HSPB7: variants seen among roughly 807,000 people sequenced by gnomAD.
The protein encoded by HSPB7 is heat shock protein family B (small) member 7.
A neutral mutation model predicts 11.0 loss-of-function variants in HSPB7; 9 were observed. The observed-to-expected ratio is 0.82, with a 90% CI of 0.49 to 1.43. The LOEUF (loss-of-function observed/expected upper bound fraction) is 1.43, where lower values mean the gene tolerates loss of function less well. HSPB7 is among the 40% of genes most tolerant of loss of function. The pLI is 0.00. For synonymous variants in HSPB7, 102 were observed against 101.6 expected, an observed-to-expected ratio of 1.00 and a Z score of -0.02; for missense variants, 246 against 243.9, an observed-to-expected ratio of 1.01 and a Z score of -0.06.
chr1:16,017,864 G>A lies in HSPB7; in HGVS notation c.100C>T (p.Leu34Phe), dbSNP rs1455697902. ...SSTSSSASRA[L>F]PAQDPPMEKA... is the part of the protein sequence containing the mutation. ...TCCATGGGCGGGTCCTGGGCCGGGA[G>A]AGCACGGGAGGCCGAGGAGGAGGTG... The change falls in exon 1 of 3, where the codon CTC (leucine) becomes TTC (phenylalanine). Residue 34 changes from leucine to phenylalanine, a missense_variant. Leu to Phe is a conservative substitution (Grantham distance 22). Transcript: ENST00000311890. The A allele has an allele frequency of 2.5e-6, 4 of 1,613,990 alleles. No homozygotes were observed. In the South Asian group the frequency reaches 3.3e-5, roughly 13 times the overall value.
chr1:16,018,059 C>T (rs748808572), upstream of HSPB7: 12 of 1,598,750 alleles, frequency 7.5e-6, no homozygotes, highest in East Asian at 2.3e-5. Flanking sequence ...GCTCCGACTG[C>T]GGCCGCTTTA....
chr1:16,017,968 G>A lies in HSPB7; in HGVS notation c.-5C>T, dbSNP rs754080986. 1.7e-5 allele frequency: 27 copies of A among 1,612,844 alleles called. No homozygotes were observed. The highest frequency in any genetic ancestry group is 5.0e-5 in the Admixed American group (3 of 60,006). On this transcript the variant is annotated 5_prime_UTR_variant, in exon 1 of 3. Transcript: ENST00000311890. ...GGAAGAGGTTCTGTGGCTCATCCAC[G>A]GACGGCGCCGGGCCCTGCCCAGGCG...
At position 16,015,276 on chromosome 1, in the gene HSPB7, G is replaced by T. The variant is rs1000849267; in HGVS notation, c.*304C>A. ...CAGAGCTTGCCCATATGTCCTGCTG[G>T]TCCCATTCCCCTGACCCACAGTGGG... On this transcript the variant is annotated 3_prime_UTR_variant, in exon 3 of 3. Coordinates refer to ENST00000311890, the MANE Select transcript of HSPB7 (RefSeq NM_014424.5). This position sits in a 1 kb window ranked among gnomAD's most constrained non-coding sequence, Gnocchi z 4.9. 1 of 365,208 alleles carries T rather than the reference G, an allele frequency of 2.7e-6. No homozygotes were observed. The highest frequency in any genetic ancestry group is 4.4e-5 in the Admixed American group (1 of 22,786). The allele number at this position is 365,208 out of a possible 1,614,324, so 22.6% of individuals were successfully genotyped here. A position where few individuals can be genotyped will look rare whatever the true frequency, so the allele number is the denominator to read the frequency against.
upstream of HSPB7, chr1:16,018,097 C>T (rs1395111815): frequency 1.9e-6 from 3 of 1,561,958 alleles, no homozygotes; most frequent in South Asian, 1.2e-5. Context: ...GGGCTTGGGG[C>T]CAGCCCCTTG....
chr1:16,019,527 C>G, upstream of HSPB7: 1 of 1,490,326 alleles, frequency 6.7e-7, no homozygotes, highest in Non-Finnish European at 9.0e-7. Context: ...CCCTACAACC[C>G]AGTCTGGAGC....
chr1:16,018,153 A>T, upstream of HSPB7: 1 of 1,541,228 alleles, frequency 6.5e-7, no homozygotes, highest in South Asian at 1.2e-5. Context: ...AGGGGGCTGG[A>T]AATCTTCTCC....
At chr1:16,018,466 T>C, upstream of HSPB7, 1 of 1,139,274 alleles carries the variant, frequency 8.8e-7, no homozygotes, top group Non-Finnish European at 1.1e-6. Flanking sequence ...GGGGACAGGG[T>C]AGGTGGAAGC....
At position 16,017,758 on chromosome 1, in the gene HSPB7, C is replaced by A. The variant is rs769742007; in HGVS notation, c.199+7G>T. On this transcript the variant is annotated splice_region_variant and intron_variant, in intron 1 of 2. Transcript: ENST00000311890. Reference sequence around the variant, plus strand: ...CCTCCCCTCCCCTCAGGGCCCGGATCACTTGCCTGGGAAGGCCAGGGGCTC... The same window carrying A: ...CCTCCCCTCCCCTCAGGGCCCGGATAACTTGCCTGGGAAGGCCAGGGGCTC... The A allele has an allele frequency of 6.3e-7, 1 of 1,584,376 alleles. No homozygotes were observed. Among genetic ancestry groups the A allele is most frequent in the South Asian group, 1.2e-5 (1 of 86,874 alleles).
upstream of HSPB7, chr1:16,018,853 TGGCTGCAAGCTGTCCAGC>T: frequency 9.3e-6 from 12 of 1,291,288 alleles, no homozygotes; most frequent in Non-Finnish European, 1.2e-5. Flanking sequence ...CATGGGCTCC[TGGCTGCAAGCTGTCCAGC>T]ACGGCCCCGT....
Position 16,015,466 on chromosome 1 carries a change from G to A in HSPB7, c.*114C>T, listed in dbSNP as rs2021631611. 2 of 996,394 alleles carry A rather than the reference G, an allele frequency of 2.0e-6. No individual in the cohort carries two copies. Among genetic ancestry groups the A allele is most frequent in the Admixed American group, 4.2e-5 (2 of 47,670 alleles). The allele number at this position is 996,394 out of a possible 1,614,324, so 61.7% of individuals were successfully genotyped here. A position where few individuals can be genotyped will look rare whatever the true frequency, so the allele number is the denominator to read the frequency against. ...GAGGATGGTCCACCTGGGGTCTGGGGTGCGTGGGGGCTAGAACCTGGGCTG... is the reference window on the plus strand; with the variant it reads ...GAGGATGGTCCACCTGGGGTCTGGGATGCGTGGGGGCTAGAACCTGGGCTG... On this transcript the variant is annotated 3_prime_UTR_variant, in exon 3 of 3. Transcript: ENST00000311890. This position sits in a 1 kb window ranked among gnomAD's most constrained non-coding sequence, Gnocchi z 4.9.
intron 2 of HSPB7, among the ~76,000 whole-genome samples, chr1:16,016,688 ACCCGCATCCGCC>A (rs1219065245): frequency 1.3e-5 from 2 of 150,882 alleles, no homozygotes; most frequent in Non-Finnish European, 3.0e-5. Flanking sequence ...TTCCCCACCT[ACCCGCATCCGCC>A]CCCCTATAGC....
At position 16,015,658 on chromosome 1, in the gene HSPB7, G is replaced by A. The variant is rs2021652540; in HGVS notation, c.435C>T (p.Gly145=). 6.2e-7 allele frequency: 1 copy of A among 1,613,688 alleles called. No homozygotes were observed. ...GACGCCGTGCCCGGATAGTGAGGCT[G>A]CCGTCCTCCCGCAGAGCCGAGGTCA... is the stretch of plus-strand genomic sequence containing the variant. ...TSVTSALRED[G]SLTIRARRHP... is the part of the protein sequence containing the mutation. Residue 145 remains glycine, a synonymous_variant, in exon 3 of 3, where the codon GGC becomes GGT. Transcript: ENST00000311890. The surrounding 1 kb of genome is among the most constrained non-coding windows in gnomAD (Gnocchi z 4.9).
At chr1:16,018,834 C>G (rs2021952918), upstream of HSPB7, 1 of 1,261,428 alleles carries the variant, frequency 7.9e-7, no homozygotes, top group Non-Finnish European at 1.0e-6. Context: ...TTCTAGAATG[C>G]CTTCTGGGCA....
upstream of HSPB7, chr1:16,018,226 A>AT (rs2021917561): frequency 6.7e-7 from 1 of 1,481,922 alleles, no homozygotes; most frequent in African/African-American, 1.4e-5. Flanking sequence ...ACAGCCTGAC[A>AT]TTCCAGGCTG....
rs367944776 is a variant in HSPB7 at position 16,017,967 on chromosome 1, C to T, written c.-4G>A. The T allele has an allele frequency of 1.4e-5, 22 of 1,612,978 alleles. No homozygotes were observed. Among genetic ancestry groups the T allele is most frequent in the African/African-American group, 2.7e-5 (2 of 75,064 alleles). On this transcript the variant is annotated 5_prime_UTR_variant, in exon 1 of 3. In the 5' UTR this introduces an upstream ATG that the reference lacks. Coordinates refer to ENST00000311890, the MANE Select transcript of HSPB7 (RefSeq NM_014424.5). Reference sequence around the variant, plus strand: ...TGGAAGAGGTTCTGTGGCTCATCCACGGACGGCGCCGGGCCCTGCCCAGGC... The same window carrying T: ...TGGAAGAGGTTCTGTGGCTCATCCATGGACGGCGCCGGGCCCTGCCCAGGC...
chr1:16,017,870 G>A lies in HSPB7; in HGVS notation c.94C>T (p.Arg32Cys), dbSNP rs764640019. 8 of 1,613,788 alleles carry A rather than the reference G, an allele frequency of 5.0e-6. No individual in the cohort carries two copies. Among genetic ancestry groups the A allele is most frequent in the East Asian group, 2.2e-5 (1 of 44,872 alleles). Residue 32 changes from arginine (R) to cysteine (C), a missense_variant, in exon 1 of 3, where the codon CGT (arginine) becomes TGT (cysteine). Physicochemically the swap from Arg to Cys is radical, Grantham distance 180 (BLOSUM62 -3). Coordinates refer to ENST00000311890, the MANE Select transcript of HSPB7 (RefSeq NM_014424.5). Reference protein sequence around the residue: ...SSSSTSSSASRALPAQDPPME... With the variant: ...SSSSTSSSASCALPAQDPPME... ...GGCGGGTCCTGGGCCGGGAGAGCAC[G>A]GGAGGCCGAGGAGGAGGTGGAAGAG... is the stretch of plus-strand genomic sequence containing the variant.
chr1:16,017,490 C>A (rs1570279713), intron 1 of HSPB7: 1 of 589,676 alleles, frequency 1.7e-6, no homozygotes, highest in Admixed American at 3.2e-5. Flanking sequence ...ATCCAGCCCT[C>A]CAGGGCTCCA....
Position 16,017,107 on chromosome 1 carries a change from G to A in HSPB7, c.300C>T (p.Thr100=). 1.9e-6 allele frequency: 3 copies of A among 1,612,718 alleles called. No individual in the cohort carries two copies. Among genetic ancestry groups the A allele is most frequent in the Non-Finnish European group, 2.5e-6 (3 of 1,178,848 alleles). The change falls in exon 2 of 3, where the codon ACC becomes ACT. Residue 100 remains threonine, a synonymous_variant. Transcript: ENST00000311890. Reference sequence around the variant, plus strand: ...CCCGCACCTCGATGTGGTTGTTGGAGGTGGTGACAATGATGTCTTCAGGTG... The same window carrying A: ...CCCGCACCTCGATGTGGTTGTTGGAAGTGGTGACAATGATGTCTTCAGGTG... ...DFSPEDIIVT[T]SNNHIEVRAE...
upstream of HSPB7, chr1:16,018,371 T>C (rs1338820437): frequency 5.0e-6 from 6 of 1,192,588 alleles, no homozygotes; most frequent in African/African-American, 1.6e-5. Flanking sequence ...CCCGTCAGCC[T>C]GGGGGCTCCT....
Sources: allele counts gnomAD v4.1 joint callset (sites outside exome capture counted in the v4.1 genomes callset), GRCh38; gene constraint gnomAD v4.1.1; non-coding constraint Gnocchi (gnomAD v3.1); transcripts MANE v1.5; gene names NCBI Gene and HGNC (gene_info 2026-07-23, HGNC 2026-07-21).